KAZN: variants seen among roughly 807,000 people sequenced by gnomAD.
KAZN encodes kazrin, periplakin interacting protein, also known as kazrin.
Under a neutral mutation model 87.4 loss-of-function variants are expected in KAZN, and 40 were observed. The ratio of observed to expected loss-of-function variants is 0.46; its 90% CI spans 0.36 to 0.60. The LOEUF is 0.60. Among genes scored for constraint, KAZN ranks in the 20% least tolerant of loss-of-function variants. The pLI, the probability that KAZN is intolerant of heterozygous loss-of-function variation, is 0.00. For missense variants in KAZN, 898 were observed against 1,073.9 expected, an observed-to-expected ratio of 0.84 and a Z score of 2.29; for synonymous variants, 466 against 458.3, an observed-to-expected ratio of 1.02 and a Z score of -0.22.
intron 2 of KAZN, among the ~76,000 whole-genome samples, chr1:14,494,235 T>C (rs1669825505): frequency 6.6e-6 from 1 of 152,100 alleles, no homozygotes; most frequent in Admixed American, 6.5e-5. Context: ...AATTAGGCAA[T>C]TATACAGGTA....
chr1:14,902,128 G>A (rs756525377), intron 1 of KAZN, among the ~76,000 whole-genome samples: 14 of 152,180 alleles, frequency 9.2e-5, no homozygotes, highest in East Asian at 7.7e-4. Context: ...ACTTGAAAAC[G>A]CTGCTTATGC....
chr1:14,687,412 TG>T (rs1033152285), intron 1 of KAZN, among the ~76,000 whole-genome samples: 1 of 152,208 alleles, frequency 6.6e-6, no homozygotes, highest in Admixed American at 6.5e-5. Context: ...GGACAGCTTC[TG>T]CGGCTCCAAG....
intron 1 of KAZN, among the ~76,000 whole-genome samples, chr1:14,050,188 G>A (rs1013891293): frequency 6.6e-6 from 1 of 151,912 alleles, no homozygotes; most frequent in Non-Finnish European, 1.5e-5. Context: ...GCACATGTGT[G>A]TACACATATG....
chr1:14,385,474 A>G lies in KAZN; in HGVS notation c.249+204882A>G, dbSNP rs528003392. Among the ~76,000 whole-genome samples, 5 of 151,648 alleles carry G rather than the reference A, an allele frequency of 3.3e-5. No individual in the cohort carries two copies. In the East Asian group the frequency reaches 9.7e-4, roughly 29 times the overall value. ...TAGTGCTATAAATTTCCCTCCACAC[A>G]CTGCTTTGAATGTGTCCCAGAGACT... is the stretch of plus-strand genomic sequence containing the variant. On this transcript the variant is annotated intron_variant, in intron 2 of 16. Coordinates refer to the KAZN transcript ENST00000636203.
At chr1:14,688,214 A>G (rs1273441052) in intron 1 of KAZN, among the ~76,000 whole-genome samples, 1 of 152,216 alleles carries the variant, frequency 6.6e-6, no homozygotes, top group Non-Finnish European at 1.5e-5. Context: ...GTTGCGTTCT[A>G]GCTAGCTGGC....
intron 1 of KAZN, among the ~76,000 whole-genome samples, chr1:14,905,287 G>A (rs1299858750): frequency 1.3e-5 from 2 of 152,122 alleles, no homozygotes; most frequent in East Asian, 3.9e-4. Context: ...TCAAACTCCT[G>A]GCCTCAAGTG....
chr1:14,068,873 AC>A (rs1166970257), intron 1 of KAZN, among the ~76,000 whole-genome samples: 2 of 147,668 alleles, frequency 1.4e-5, no homozygotes, highest in African/African-American at 2.5e-5. Flanking sequence ...ATCTCAGCTT[AC>A]TGCAACCTCT....
chr1:14,493,432 A>C (rs529916798), intron 2 of KAZN, among the ~76,000 whole-genome samples: 18 of 152,066 alleles, frequency 1.2e-4, no homozygotes, highest in Middle Eastern at 7.0e-3. Flanking sequence ...GGTCCCATCC[A>C]TTCACATCCG....
chr1:14,691,867 TC>T (rs1326482747), intron 1 of KAZN, among the ~76,000 whole-genome samples: 2 of 151,822 alleles, frequency 1.3e-5, no homozygotes, highest in Admixed American at 6.6e-5. Flanking sequence ...AAGCACCTGA[TC>T]CAGGCCACCT....
chr1:14,121,839 A>G (rs1644758009), intron 1 of KAZN, among the ~76,000 whole-genome samples: 1 of 152,202 alleles, frequency 6.6e-6, no homozygotes. Flanking sequence ...ATGACTTGGA[A>G]GAGGTGAGGG....
intron 1 of KAZN, among the ~76,000 whole-genome samples, chr1:13,980,790 C>T (rs984159374): frequency 6.6e-6 from 1 of 152,026 alleles, no homozygotes; most frequent in African/African-American, 2.4e-5. Flanking sequence ...ACCTTGAAGC[C>T]TTCTTCACTT....
chr1:15,056,045 TC>T lies in KAZN; in HGVS notation c.727-42del, dbSNP rs1427451320. The T allele has an allele frequency of 1.6e-5, 25 of 1,554,344 alleles. No homozygotes were observed. The highest frequency in any genetic ancestry group is 2.1e-5 in the Non-Finnish European group (24 of 1,137,272). On this transcript the variant is annotated intron_variant, in intron 4 of 14. Coordinates refer to ENST00000376030, the MANE Select transcript of KAZN (RefSeq NM_201628.3). The surrounding 1 kb of genome is among the most constrained non-coding windows in gnomAD (Gnocchi z 5.4). ...TGGTGCCAAGCAGCTGGCCAAGAGT[TC>T]CCCTTGATCATGACTTCTTCTTCCT... is the stretch of plus-strand genomic sequence containing the variant.
intron 2 of KAZN, among the ~76,000 whole-genome samples, chr1:14,245,540 C>T (rs1315381448): frequency 6.6e-6 from 1 of 152,126 alleles, no homozygotes; most frequent in Non-Finnish European, 1.5e-5. Context: ...AAAAATCCTG[C>T]AGTGAACATT....
chr1:14,211,062 C>T (rs1646843564), intron 2 of KAZN, among the ~76,000 whole-genome samples: 1 of 152,070 alleles, frequency 6.6e-6, no homozygotes, highest in Non-Finnish European at 1.5e-5. Flanking sequence ...CACAGGAGTT[C>T]CCATGTAACA....
rs12029464 is a variant in KAZN at position 15,099,461 on chromosome 1, T to G, written c.1548-2082T>G. Among the ~76,000 whole-genome samples, 17,771 of 151,956 alleles carry G rather than the reference T, an allele frequency of 0.12. 1,904 individuals are homozygous for G. The highest frequency in any genetic ancestry group is 0.6 in the East Asian group (3,064 of 5,130). Reference sequence around the variant, plus strand: ...CTTGGGGGCAACTTCAGACAGCAAATTCAGAGAAAAGGGAGATTTGACGCC... The same window carrying G: ...CTTGGGGGCAACTTCAGACAGCAAAGTCAGAGAAAAGGGAGATTTGACGCC... On this transcript the variant is annotated intron_variant, in intron 10 of 14. Transcript: ENST00000376030. This position sits in a 1 kb window ranked among gnomAD's most constrained non-coding sequence, Gnocchi z 5.4.
chr1:13,942,493 T>C (rs1038709384), intron 1 of KAZN, among the ~76,000 whole-genome samples: 1 of 135,762 alleles, frequency 7.4e-6, no homozygotes, highest in Non-Finnish European at 1.5e-5. Flanking sequence ...TGAGCCGAGA[T>C]TGCGCCACTG....
chr1:15,043,870 C>G, intron 3 of KAZN, 119 bp from the exon 4 acceptor site: 1 of 1,019,728 alleles, frequency 9.8e-7, no homozygotes, highest in Non-Finnish European at 1.4e-6. Context: ...GTCTCAATCT[C>G]CTGACCTCGT....
At chr1:15,034,183 T>A (rs1246575719) in intron 2 of KAZN, among the ~76,000 whole-genome samples, 1 of 152,370 alleles carries the variant, frequency 6.6e-6, no homozygotes, top group East Asian at 1.9e-4. Context: ...CTTGATGATA[T>A]CCTTTGAAAC....
chr1:14,248,710 A>C (rs1649738133), intron 2 of KAZN, among the ~76,000 whole-genome samples: 1 of 152,172 alleles, frequency 6.6e-6, no homozygotes, highest in Admixed American at 6.5e-5. Flanking sequence ...TACTTTTAAA[A>C]CATGTTCCCA....
Sources: gnomAD v4.1 joint callset for allele counts (sites outside exome capture counted in the v4.1 genomes callset) on GRCh38, gnomAD v4.1.1 for gene constraint, Gnocchi (gnomAD v3.1) non-coding constraint, MANE v1.5 for transcripts, NCBI Gene and HGNC (gene_info 2026-07-23, HGNC 2026-07-21) for gene names.